Variants in PTCHD4 observed in about 807,000 individuals in gnomAD.
PTCHD4 encodes the protein patched domain containing 4.
Under a neutral mutation model 58.1 loss-of-function variants are expected in PTCHD4, and 33 were observed. The observed-to-expected ratio is 0.57, with a 90% CI of 0.43 to 0.76. PTCHD4 has a LOEUF of 0.76. PTCHD4 is among the 30% of genes least tolerant of loss of function. PTCHD4 has a pLI of 0.00. For missense variants in PTCHD4, 1,058 were observed against 1,027.1 expected (o/e 1.03, Z -0.41); for synonymous variants, 478 against 409.6 (o/e 1.17, Z -2.02).
chr6:47,934,344 G>T (rs1252836889), intron 4 of PTCHD4, among the ~76,000 whole-genome samples: 1 of 152,052 alleles, frequency 6.6e-6, no homozygotes, highest in Non-Finnish European at 1.5e-5. Context: ...TTGTCTGCAA[G>T]CCTGAATTTT....
rs964000528 is a variant in PTCHD4 at position 47,860,717 on chromosome 6, A to T, written c.*17586T>A. On this transcript the variant is annotated 3_prime_UTR_variant, in exon 5 of 5. Coordinates refer to ENST00000339488, the MANE Select transcript of PTCHD4 (RefSeq NM_001384253.1). Reference sequence around the variant, plus strand: ...TATTAGTGGAGCAGAAATTATAAACATTTGAGAGACATAGGTAGAGGGTTA... The same window carrying T: ...TATTAGTGGAGCAGAAATTATAAACTTTTGAGAGACATAGGTAGAGGGTTA... 3.9e-5 allele frequency among the ~76,000 whole-genome samples: 6 copies of T among 151,926 alleles called. No homozygotes were observed. Among genetic ancestry groups the T allele is most frequent in the Non-Finnish European group, 8.8e-5 (6 of 67,932 alleles).
At chr6:47,972,115 A>T (rs1767534912) in intron 4 of PTCHD4, among the ~76,000 whole-genome samples, 2 of 152,200 alleles carry the variant, frequency 1.3e-5, no homozygotes, top group South Asian at 4.1e-4. Flanking sequence ...CAATAATGAG[A>T]TGATGTAGGG....
intron 4 of PTCHD4, among the ~76,000 whole-genome samples, chr6:47,986,294 G>A (rs1768060548): frequency 6.6e-6 from 1 of 151,868 alleles, no homozygotes; most frequent in East Asian, 1.9e-4. Context: ...TTGGATTATT[G>A]GGAGAATTAA....
intron 3 of PTCHD4, among the ~76,000 whole-genome samples, chr6:48,010,489 C>A (rs1314256635): frequency 6.6e-6 from 1 of 152,110 alleles, no homozygotes; most frequent in Non-Finnish European, 1.5e-5. Context: ...TGTGACAAAG[C>A]AACCCTAATA....
intron 4 of PTCHD4, among the ~76,000 whole-genome samples, chr6:47,929,783 C>G (rs1324917935): frequency 2.0e-5 from 3 of 152,218 alleles, no homozygotes; most frequent in Non-Finnish European, 2.9e-5. Flanking sequence ...TCCTGACCAT[C>G]CTGCTTACTG....
At chr6:48,023,627 G>A (rs1160822199) in intron 3 of PTCHD4, among the ~76,000 whole-genome samples, 2 of 152,074 alleles carry the variant, frequency 1.3e-5, no homozygotes, top group South Asian at 2.1e-4. Context: ...AACTTCCAAT[G>A]GAAATTGCAC....
At chr6:48,037,559 T>A (rs1162097952) in intron 3 of PTCHD4, among the ~76,000 whole-genome samples, 2 of 152,112 alleles carry the variant, frequency 1.3e-5, no homozygotes, top group Admixed American at 6.6e-5. Flanking sequence ...AGCTTAGGCT[T>A]AGTCAGACAT....
chr6:47,978,333 C>T (rs1279720083), intron 4 of PTCHD4, among the ~76,000 whole-genome samples: 1 of 152,148 alleles, frequency 6.6e-6, no homozygotes. Context: ...CAGTTTATTA[C>T]AGAGCACTAC....
chr6:47,984,388 T>G (rs541829870), intron 4 of PTCHD4, among the ~76,000 whole-genome samples: 1 of 152,170 alleles, frequency 6.6e-6, no homozygotes, highest in Admixed American at 6.5e-5. Context: ...GAATACTGCC[T>G]TATAAAACCA....
rs1199272851 is a variant in PTCHD4, at chr6:48,002,949, T to C, written c.898+5685A>G. Among the ~76,000 whole-genome samples, 9 of 152,202 alleles carry C rather than the reference T, an allele frequency of 5.9e-5. No individual in the cohort carries two copies. The East Asian group carries it at 1.5e-3, about 26-fold the overall frequency. ...TCAGTTCTTAACGGACACAGTTTCTTAGCCGCTTTTGGAACAATCACTCTC... is the reference window on the plus strand; with the variant it reads ...TCAGTTCTTAACGGACACAGTTTCTCAGCCGCTTTTGGAACAATCACTCTC... On this transcript the variant is annotated intron_variant, in intron 4 of 4. Coordinates refer to ENST00000339488, the MANE Select transcript of PTCHD4 (RefSeq NM_001384253.1).
chr6:47,997,490 A>T (rs1768541562), intron 4 of PTCHD4, among the ~76,000 whole-genome samples: 1 of 152,214 alleles, frequency 6.6e-6, no homozygotes, highest in South Asian at 2.1e-4. Context: ...AAAGGGAAAC[A>T]ATCACTTCAA....
At chr6:48,003,441 C>T (rs1768815467) in intron 4 of PTCHD4, among the ~76,000 whole-genome samples, 1 of 152,120 alleles carries the variant, frequency 6.6e-6, no homozygotes, top group Non-Finnish European at 1.5e-5. Context: ...CTCTTACATG[C>T]CATATCTAGT....
Position 48,037,936 on chromosome 6 carries a change from T to A in PTCHD4, c.418-28822A>T, listed in dbSNP as rs548904510. ...AAAAAAAAAAGTTCCTTTTATTTGT[T>A]ATTGTTGAGGTTTGATTTGTTTTGT... is the stretch of plus-strand genomic sequence containing the variant. On this transcript the variant is annotated intron_variant, in intron 3 of 4. Coordinates refer to ENST00000339488, the MANE Select transcript of PTCHD4 (RefSeq NM_001384253.1). Among the ~76,000 whole-genome samples the A allele has an allele frequency of 2.3e-3, 347 of 151,828 alleles. 2 individuals are homozygous for A. Among genetic ancestry groups the A allele is most frequent in the African/African-American group, 7.8e-3 (322 of 41,428 alleles).
chr6:47,869,345 T>C lies in PTCHD4; in HGVS notation c.*8958A>G, dbSNP rs1763658959. Among the ~76,000 whole-genome samples, 1 of 151,744 alleles carries C rather than the reference T, an allele frequency of 6.6e-6. No homozygotes were observed. The highest frequency in any genetic ancestry group is 1.5e-5 in the Non-Finnish European group (1 of 67,808). ...TGAGGAGCCGCTGGCTCACTCATTG[T>C]CTCCATCTTCTGCAGCTCTCATATG... On this transcript the variant is annotated 3_prime_UTR_variant, in exon 5 of 5. Transcript: ENST00000339488.
intron 4 of PTCHD4, among the ~76,000 whole-genome samples, chr6:47,946,184 C>T (rs989931723): frequency 2.6e-5 from 4 of 152,072 alleles, no homozygotes; most frequent in African/African-American, 9.7e-5. Flanking sequence ...TATGTTCTCA[C>T]TCTCAGTGCA....
chr6:47,995,410 C>G (rs1035375898), intron 4 of PTCHD4, among the ~76,000 whole-genome samples: 1 of 152,154 alleles, frequency 6.6e-6, no homozygotes, highest in South Asian at 2.1e-4. Context: ...ATCACAAAGT[C>G]TTCTGAATAA....
chr6:47,879,426 A>T lies in PTCHD4; in HGVS notation c.1409T>A (p.Ile470Asn). The part of the protein sequence containing the change: ...VKPFVVILYL[I>N]YASFSFMGCL... The stretch of plus-strand genomic sequence containing the variant: ...CCCCATGAAGGAGAAGGAGGCATAA[A>T]TGAGATAGAGGATGACAACAAATGG... Residue 470 changes from isoleucine (I) to asparagine (N), a missense_variant, in exon 5 of 5, where the codon ATT becomes AAT. Coordinates refer to ENST00000339488, the MANE Select transcript of PTCHD4 (RefSeq NM_001384253.1). 6.2e-7 allele frequency: 1 copy of T among 1,613,674 alleles called. No individual in the cohort carries two copies. Among genetic ancestry groups the T allele is most frequent in the Non-Finnish European group, 8.5e-7 (1 of 1,179,740 alleles).
intron 3 of PTCHD4, among the ~76,000 whole-genome samples, chr6:48,066,888 A>AT (rs1273112660): frequency 2.0e-5 from 3 of 151,284 alleles, no homozygotes; most frequent in Non-Finnish European, 2.9e-5. Context: ...TAGGAAAAAG[A>AT]TTTTTTCTCT....
chr6:47,885,773 T>C (rs992986265), intron 4 of PTCHD4, among the ~76,000 whole-genome samples: 2 of 152,216 alleles, frequency 1.3e-5, no homozygotes, highest in Non-Finnish European at 2.9e-5. Context: ...CTAACATTGC[T>C]GTAGGAAAAC....
Sources: allele counts gnomAD v4.1 joint callset (sites outside exome capture counted in the v4.1 genomes callset), GRCh38; gene constraint gnomAD v4.1.1; transcripts MANE v1.5; gene names NCBI Gene and HGNC (gene_info 2026-07-23, HGNC 2026-07-21).